The following DMD variants were observed in gnomAD, a reference collection of about 807,000 sequenced individuals.
DMD encodes dystrophin.
Under a neutral mutation model 330.1 loss-of-function variants are expected in DMD, and 63 were observed. The ratio of observed to expected loss-of-function variants is 0.19; its 90% CI spans 0.16 to 0.24. The LOEUF is 0.24. DMD is among the 10% of genes least tolerant of loss of function. The pLI is 1.00. For missense variants in DMD, 3,344 were observed against 2,684.1 expected, an observed-to-expected ratio of 1.25 and a Z score of -5.43; for synonymous variants, 1,223 against 959.8, an observed-to-expected ratio of 1.27 and a Z score of -5.07.
intron 44 of DMD, among the ~76,000 whole-genome samples, chrX:32,143,388 T>C (rs905545229): frequency 9.0e-6 from 1 of 111,431 alleles, no homozygotes; most frequent in African/African-American, 3.3e-5. Flanking sequence ...CAGTTCACCC[T>C]CATGAAGCAG....
intron 2 of DMD, among the ~76,000 whole-genome samples, chrX:32,988,313 T>TG (rs1289658020): frequency 1.8e-5 from 2 of 111,656 alleles, no homozygotes; most frequent in Non-Finnish European, 3.8e-5. Context: ...CTTCCAGAAA[T>TG]CACTAAAATG....
intron 47 of DMD, among the ~76,000 whole-genome samples, chrX:31,889,104 C>T (rs2094197391): frequency 9.0e-6 from 1 of 111,598 alleles, no homozygotes; most frequent in South Asian, 3.7e-4. Flanking sequence ...TAATACATTA[C>T]GAGGTAAATG....
At chrX:32,815,512 T>TACACAC (rs1384950902) in intron 6 of DMD, among the ~76,000 whole-genome samples, 4 of 59,640 alleles carry the variant, frequency 6.7e-5, no homozygotes, top group African/African-American at 3.1e-4. Context: ...TATATATATA[T>TACACAC]ATATATATAC....
At chrX:32,796,938 T>A (rs2076223867) in intron 7 of DMD, among the ~76,000 whole-genome samples, 1 of 112,205 alleles carries the variant, frequency 8.9e-6, no homozygotes, top group African/African-American at 3.2e-5. Flanking sequence ...TACCCAAATA[T>A]TGTTGTAAAA....
intron 1 of DMD, among the ~76,000 whole-genome samples, chrX:33,312,099 C>A (rs2053858310): frequency 9.2e-6 from 1 of 108,958 alleles, no homozygotes. Context: ...TCATGACATT[C>A]CTTGTACTGG....
intron 44 of DMD, among the ~76,000 whole-genome samples, chrX:32,175,432 C>G (rs1174254741): frequency 9.0e-6 from 1 of 110,635 alleles, no homozygotes; most frequent in Non-Finnish European, 1.9e-5. Flanking sequence ...AGCTGGCCAC[C>G]CAAGCCAGCA....
At chrX:32,547,622 ACAAT>A (rs749948925) in intron 16 of DMD, among the ~76,000 whole-genome samples, 8 of 111,288 alleles carry the variant, frequency 7.2e-5, no homozygotes, top group Non-Finnish European at 1.1e-4. Context: ...AGAATAAAAA[ACAAT>A]CAGTCATGTA....
At chrX:31,253,589 A>G (rs1326468341) in intron 63 of DMD, among the ~76,000 whole-genome samples, 1 of 111,799 alleles carries the variant, frequency 8.9e-6, no homozygotes, top group Admixed American at 9.5e-5. Flanking sequence ...AAAGAGGTAC[A>G]AGGATTTTGA....
rs372794907 is a variant in DMD at position 31,801,910 on chromosome X, T to A, written c.7309+18065A>T. ...CCTAGTTTGGGAGGTAAGGAGCGTC[T>A]TTCCTGAGTATAACATTTGAGCTGA... On this transcript the variant is annotated intron_variant, in intron 50 of 78. Coordinates refer to ENST00000357033, the MANE Select transcript of DMD (RefSeq NM_004006.3). Among the ~76,000 whole-genome samples, 19 of 111,296 alleles carry A rather than the reference T, an allele frequency of 1.7e-4. No homozygotes were observed. The East Asian group carries it at 5.4e-3, about 32-fold the overall frequency.
intron 59 of DMD, among the ~76,000 whole-genome samples, chrX:31,455,202 T>C (rs903052290): frequency 9.1e-6 from 1 of 110,064 alleles, no homozygotes; most frequent in African/African-American, 3.3e-5. Context: ...CTCAGTTAGA[T>C]GTGACTTTTA....
At chrX:31,158,790 AACC>A (rs2038466917) in intron 74 of DMD, among the ~76,000 whole-genome samples, 2 of 112,281 alleles carry the variant, frequency 1.8e-5, no homozygotes, top group Non-Finnish European at 1.9e-5. Flanking sequence ...ATCAAGGTTT[AACC>A]CATGTACATA....
rs750811395 is a variant in DMD at position 32,217,782 on chromosome X, C to T, written c.6291-719G>A. 2.0e-3 allele frequency among the ~76,000 whole-genome samples: 220 copies of T among 111,498 alleles called. 1 individual carries two copies. Among genetic ancestry groups the T allele is most frequent in the Middle Eastern group, 4.6e-3 (1 of 216 alleles). On this transcript the variant is annotated intron_variant, in intron 43 of 78. Coordinates refer to ENST00000357033, the MANE Select transcript of DMD (RefSeq NM_004006.3). ...ATACATATAGTTATTACAAATAAAA[C>T]TTTAAAAATATAACTAAAATACCAT... is the stretch of plus-strand genomic sequence containing the variant.
intron 1 of DMD, among the ~76,000 whole-genome samples, chrX:33,284,519 T>C (rs2053397871): frequency 9.2e-6 from 1 of 109,151 alleles, no homozygotes; most frequent in Non-Finnish European, 1.9e-5. Flanking sequence ...TTATGTTAAA[T>C]ATTTTATTCT....
intron 51 of DMD, among the ~76,000 whole-genome samples, chrX:31,745,019 A>G (rs757817323): frequency 8.9e-6 from 1 of 111,745 alleles, no homozygotes; most frequent in Non-Finnish European, 1.9e-5. Context: ...TGTAAATGAC[A>G]AACGTAATAG....
At chrX:33,139,250 A>G (rs1372456355) in intron 1 of DMD, among the ~76,000 whole-genome samples, 1 of 111,597 alleles carries the variant, frequency 9.0e-6, no homozygotes, top group Non-Finnish European at 1.9e-5. Flanking sequence ...GTGAGTTACG[A>G]TGGTGCCACT....
chrX:32,855,059 C>G (rs1349308552), intron 2 of DMD, among the ~76,000 whole-genome samples: 1 of 111,639 alleles, frequency 9.0e-6, no homozygotes, highest in Non-Finnish European at 1.9e-5. Context: ...ATCGTATGAA[C>G]AGAATGAAGG....
chrX:32,432,883 G>GC (rs1415957085), intron 29 of DMD, among the ~76,000 whole-genome samples: 2 of 112,106 alleles, frequency 1.8e-5, no homozygotes, highest in Non-Finnish European at 3.8e-5. Context: ...AATTAATACG[G>GC]CCCTCTCTGA....
intron 1 of DMD, among the ~76,000 whole-genome samples, chrX:33,170,348 A>C (rs1302553102): frequency 9.0e-6 from 1 of 111,387 alleles, no homozygotes; most frequent in Non-Finnish European, 1.9e-5. Context: ...GGACAGACAA[A>C]TGTAAAATTT....
intron 7 of DMD, among the ~76,000 whole-genome samples, chrX:32,727,675 A>T (rs1187421589): frequency 4.5e-5 from 5 of 111,151 alleles, no homozygotes; most frequent in Non-Finnish European, 1.9e-5. Flanking sequence ...CAAATGTGTT[A>T]AAAGTATTTG....
Sources: gnomAD v4.1 joint callset for allele counts (sites outside exome capture counted in the v4.1 genomes callset) on GRCh38, gnomAD v4.1.1 for gene constraint, MANE v1.5 for transcripts, NCBI Gene and HGNC (gene_info 2026-07-23, HGNC 2026-07-21) for gene names.